The following ZFHX3 variants were observed in gnomAD, a reference collection of about 807,000 sequenced individuals.
ZFHX3 encodes zinc finger homeobox protein 3.
Under a neutral mutation model 279.1 loss-of-function variants are expected in ZFHX3, and 42 were observed. That is an observed-to-expected ratio of 0.15 (90% CI 0.12 to 0.19). The LOEUF (loss-of-function observed/expected upper bound fraction) is 0.19. Among genes scored for constraint, ZFHX3 ranks in the 10% least tolerant of loss-of-function variants. The pLI, the probability that ZFHX3 is intolerant of heterozygous loss-of-function variation, is 1.00. For missense variants in ZFHX3, 4,981 were observed against 4,754.0 expected (o/e 1.05, Z -1.40); for synonymous variants, 2,293 against 1,957.8 (o/e 1.17, Z -4.52).
chr16:72,845,818 A>G (rs1229950986), intron 4 of ZFHX3, among the ~76,000 whole-genome samples: 2 of 152,156 alleles, frequency 1.3e-5, no homozygotes, highest in East Asian at 3.9e-4. Context: ...CAACACAATC[A>G]TCACTCAGCT....
intron 4 of ZFHX3, among the ~76,000 whole-genome samples, chr16:73,265,170 A>T (rs2013941629): frequency 6.6e-6 from 1 of 151,750 alleles, no homozygotes; most frequent in East Asian, 1.9e-4. Context: ...ACATTTTTGC[A>T]ACTGTGAATT....
At chr16:73,789,483 A>G (rs1274288551) in intron 1 of ZFHX3, among the ~76,000 whole-genome samples, 2 of 152,152 alleles carry the variant, frequency 1.3e-5, no homozygotes, top group Non-Finnish European at 2.9e-5. Context: ...CCCGGCTGGG[A>G]AAAGATATTA....
chr16:73,222,412 C>T, intron 5 of ZFHX3, among the ~76,000 whole-genome samples: 1 of 151,994 alleles, frequency 6.6e-6, no homozygotes, highest in East Asian at 1.9e-4. Flanking sequence ...CAATCACTCT[C>T]CTATATACCA....
At chr16:73,165,028 C>A (rs555880612) in intron 5 of ZFHX3, among the ~76,000 whole-genome samples, 2 of 152,314 alleles carry the variant, frequency 1.3e-5, no homozygotes, top group African/African-American at 4.8e-5. Flanking sequence ...TTGAATCATG[C>A]TCAAGAAGTT....
Position 73,676,886 on chromosome 16 carries a change from G to T in ZFHX3, c.-1547+3294C>A, listed in dbSNP as rs186618772. 8.9e-4 allele frequency among the ~76,000 whole-genome samples: 136 copies of T among 151,978 alleles called. 1 individual carries two copies. The highest frequency in any genetic ancestry group is 3.0e-3 in the African/African-American group (123 of 41,534). ...GGCAAAGACAGACTTTATATTAAGG[G>T]AATACAATTCAACACAAATATGCAA... On this transcript the variant is annotated intron_variant, in intron 2 of 17. Coordinates refer to the ZFHX3 transcript ENST00000641206.
intron 7 of ZFHX3, among the ~76,000 whole-genome samples, chr16:72,802,151 G>A (rs538933607): frequency 2.0e-5 from 3 of 152,042 alleles, no homozygotes; most frequent in Admixed American, 1.3e-4. Flanking sequence ...GACTCAGTAC[G>A]ACGGATCAGT....
chr16:73,568,955 G>A (rs1298186898), intron 2 of ZFHX3, among the ~76,000 whole-genome samples: 4 of 151,834 alleles, frequency 2.6e-5, no homozygotes, highest in African/African-American at 7.3e-5. Flanking sequence ...TGCCTCCGGC[G>A]ACTCAACTTC....
intron 1 of ZFHX3, among the ~76,000 whole-genome samples, chr16:72,994,098 C>A (rs1396958811): frequency 6.6e-6 from 1 of 152,194 alleles, no homozygotes. Flanking sequence ...ATCACTTAAT[C>A]ATTTTTTAAT....
chr16:73,330,075 G>A (rs1171544212), intron 3 of ZFHX3, among the ~76,000 whole-genome samples: 1 of 152,110 alleles, frequency 6.6e-6, no homozygotes, highest in East Asian at 1.9e-4. Context: ...CCTTTGACAA[G>A]CCCAGAGGAA....
chr16:72,901,222 T>C lies in ZFHX3; in HGVS notation c.3217-11260A>G, dbSNP rs367878243. Reference sequence around the variant, plus strand: ...CTCCCTTGCTCTGCAGCCCGCTGAGTGCACCTGCCCAGATGTCTTGCTGGA... The same window carrying C: ...CTCCCTTGCTCTGCAGCCCGCTGAGCGCACCTGCCCAGATGTCTTGCTGGA... On this transcript the variant is annotated intron_variant, in intron 3 of 9. Transcript: ENST00000268489. Among the ~76,000 whole-genome samples, 26 of 152,274 alleles carry C rather than the reference T, an allele frequency of 1.7e-4. 1 individual carries two copies. The highest frequency in any genetic ancestry group is 3.9e-4 in the East Asian group (2 of 5,176).
intron 2 of ZFHX3, among the ~76,000 whole-genome samples, chr16:73,635,097 G>A (rs1386599031): frequency 1.3e-5 from 2 of 152,148 alleles, no homozygotes; most frequent in Non-Finnish European, 2.9e-5. Flanking sequence ...ATGGGTGGAG[G>A]TGGAAGAGGT....
Position 73,747,427 on chromosome 16 carries a change from T to A in ZFHX3, c.-1607-67187A>T, listed in dbSNP as rs146547195. On this transcript the variant is annotated intron_variant, in intron 1 of 17. Transcript: ENST00000641206. ...TTCTTTAGATCTTTGCTTAAAGAAC[T>A]GCCTACCCAGAAACATTTGCATCTG... is the stretch of plus-strand genomic sequence containing the variant. Among the ~76,000 whole-genome samples, 475 of 152,270 alleles carry A rather than the reference T, an allele frequency of 3.1e-3. 3 individuals carry two copies. The highest frequency in any genetic ancestry group is 5.2e-3 in the Non-Finnish European group (355 of 68,014).
At chr16:73,463,628 A>G (rs1166854317) in intron 2 of ZFHX3, among the ~76,000 whole-genome samples, 1 of 152,082 alleles carries the variant, frequency 6.6e-6, no homozygotes, top group African/African-American at 2.4e-5. Context: ...TTCCCCGTCG[A>G]ACCCCTCCCC....
chr16:73,862,804 G>A (rs1961917577), intron 1 of ZFHX3, among the ~76,000 whole-genome samples: 1 of 152,018 alleles, frequency 6.6e-6, no homozygotes, highest in African/African-American at 2.4e-5. Context: ...TGTAAAGAAA[G>A]TTACCTATAA....
At chr16:73,215,649 C>T (rs550012010) in intron 5 of ZFHX3, among the ~76,000 whole-genome samples, 1 of 152,266 alleles carries the variant, frequency 6.6e-6, no homozygotes, top group East Asian at 1.9e-4. Context: ...TCACAAACTG[C>T]TGTGTTTTCT....
Position 72,870,744 on chromosome 16 carries a change from C to T in ZFHX3, c.3448+18987G>A, listed in dbSNP as rs576802827. 2.4e-4 allele frequency among the ~76,000 whole-genome samples: 34 copies of T among 140,872 alleles called. 1 individual carries two copies. In the South Asian group the frequency reaches 7.4e-3, roughly 31 times the overall value. 92.4% of individuals were successfully genotyped at this position (140,872 alleles called of 152,430 possible). ...AAAAAAAAAAAAAAAAAAGAAAGAA[C>T]ATGAAAGAGGACAGCTAAATATACC... On this transcript the variant is annotated intron_variant, in intron 4 of 9. Coordinates refer to ENST00000268489, the MANE Select transcript of ZFHX3 (RefSeq NM_006885.4).
intron 1 of ZFHX3, among the ~76,000 whole-genome samples, chr16:73,858,174 T>C (rs1333300013): frequency 1.3e-5 from 2 of 151,874 alleles, no homozygotes; most frequent in Non-Finnish European, 1.5e-5. Flanking sequence ...CTGCAATGCC[T>C]CTTTCCCCCA....
At chr16:73,078,737 T>C (rs1965912427) in intron 8 of ZFHX3, among the ~76,000 whole-genome samples, 1 of 151,964 alleles carries the variant, frequency 6.6e-6, no homozygotes. Flanking sequence ...CTCCGCCTCC[T>C]GGGTTCACGC....
upstream of ZFHX3, among the ~76,000 whole-genome samples, chr16:73,049,235 C>G (rs1369609856): frequency 6.6e-6 from 1 of 152,250 alleles, no homozygotes; most frequent in African/African-American, 2.4e-5. Context: ...TGAATTTACT[C>G]CCGATTCTCA....
Sources: gnomAD v4.1 joint callset for allele counts (sites outside exome capture counted in the v4.1 genomes callset) on GRCh38, gnomAD v4.1.1 for gene constraint, MANE v1.5 for transcripts, NCBI Gene and HGNC (gene_info 2026-07-23, HGNC 2026-07-21) for gene names.